The following AKAP19 variants were observed in gnomAD, a reference collection of about 807,000 sequenced individuals.
AKAP19 encodes small A-kinase anchoring protein.
At chr2:189,891,048 T>C in the AKAP19 span, among the ~76,000 whole-genome samples, 1 of 152,062 alleles carries the variant, frequency 6.6e-6, no homozygotes, top group East Asian at 1.9e-4. Context: ...CAGTGGCTGG[T>C]ATCGGTTTTT....
the AKAP19 span, among the ~76,000 whole-genome samples, chr2:189,953,399 G>C: frequency 6.6e-6 from 1 of 152,062 alleles, no homozygotes; most frequent in African/African-American, 2.4e-5. Flanking sequence ...ACTTTGGGAG[G>C]CCAAGATGGG....
At chr2:190,166,592 C>T in the AKAP19 span, among the ~76,000 whole-genome samples, 1 of 151,970 alleles carries the variant, frequency 6.6e-6, no homozygotes, top group East Asian at 1.9e-4. Flanking sequence ...TTGGTTTATT[C>T]TAGAAATGAA....
the AKAP19 span, among the ~76,000 whole-genome samples, chr2:190,108,783 G>T: frequency 6.1e-4 from 83 of 135,676 alleles, no homozygotes; most frequent in African/African-American, 1.2e-3. Flanking sequence ...CCTGTTTGCG[G>T]TTTTTTTTTT....
At chr2:189,964,726 C>G in the AKAP19 span, among the ~76,000 whole-genome samples, 2 of 152,170 alleles carry the variant, frequency 1.3e-5, no homozygotes, top group Non-Finnish European at 2.9e-5. Context: ...AAACATTTCT[C>G]CTGGAGCTTC....
At chr2:190,058,891 G>A in the AKAP19 span, among the ~76,000 whole-genome samples, 1 of 151,768 alleles carries the variant, frequency 6.6e-6, no homozygotes, top group Non-Finnish European at 1.5e-5. Context: ...TACACTACTT[G>A]GAGTGATGGG....
the AKAP19 span, chr2:190,062,359 G>GTTGTCTTA: frequency 2.5e-6 from 4 of 1,613,278 alleles, no homozygotes; most frequent in Non-Finnish European, 3.4e-6. Flanking sequence ...TTGGGTAAAA[G>GTTGTCTTA]TTGTCTTATA....
At chr2:190,091,377 G>A in the AKAP19 span, among the ~76,000 whole-genome samples, 6 of 152,092 alleles carry the variant, frequency 3.9e-5, no homozygotes, top group Non-Finnish European at 8.8e-5. Context: ...TATCTCACAG[G>A]AATTCTAACA....
At chr2:190,099,731 G>A in the AKAP19 span, among the ~76,000 whole-genome samples, 2 of 152,150 alleles carry the variant, frequency 1.3e-5, no homozygotes, top group South Asian at 4.1e-4. Flanking sequence ...GTGTGCTTGT[G>A]CTTAAACATT....
the AKAP19 span, among the ~76,000 whole-genome samples, chr2:190,065,247 G>A: frequency 6.6e-6 from 1 of 152,034 alleles, no homozygotes; most frequent in Non-Finnish European, 1.5e-5. Flanking sequence ...CTAATCACAG[G>A]AAAGCTGCAA....
chr2:189,925,379 G>A, the AKAP19 span, among the ~76,000 whole-genome samples: 2 of 152,106 alleles, frequency 1.3e-5, no homozygotes, highest in African/African-American at 2.4e-5. Context: ...AGACTTAATA[G>A]TTCCTTAGAT....
the AKAP19 span, among the ~76,000 whole-genome samples, chr2:190,135,408 C>A: frequency 6.6e-6 from 1 of 152,164 alleles, no homozygotes; most frequent in East Asian, 1.9e-4. Flanking sequence ...AGGATCTCTG[C>A]GTGATTTATA....
chr2:190,146,786 T>C, the AKAP19 span, among the ~76,000 whole-genome samples: 2 of 152,242 alleles, frequency 1.3e-5, no homozygotes, highest in African/African-American at 4.8e-5. Flanking sequence ...TTGTTGGCCA[T>C]TTGTATATCT....
At chr2:190,103,031 G>C in the AKAP19 span, among the ~76,000 whole-genome samples, 2 of 152,066 alleles carry the variant, frequency 1.3e-5, no homozygotes, top group African/African-American at 2.4e-5. Flanking sequence ...ATACAAGGCT[G>C]GTTCAACATA....
the AKAP19 span, among the ~76,000 whole-genome samples, chr2:189,996,572 C>T: frequency 6.6e-6 from 1 of 151,964 alleles, no homozygotes; most frequent in Admixed American, 6.6e-5. Context: ...TAATAATTAA[C>T]CCTCTGAATT....
At chr2:190,031,853 T>TA in the AKAP19 span, among the ~76,000 whole-genome samples, 19 of 152,234 alleles carry the variant, frequency 1.2e-4, no homozygotes, top group African/African-American at 2.4e-4. Flanking sequence ...GTCAGTTTTT[T>TA]AAAAAAAATT....
At chr2:189,923,975 G>C in the AKAP19 span, 10 of 1,604,390 alleles carry the variant, frequency 6.2e-6, no homozygotes, top group East Asian at 2.2e-4. Flanking sequence ...ACAAGCAGTA[G>C]AGATGAACAA....
chr2:189,962,446 G>A, the AKAP19 span, among the ~76,000 whole-genome samples: 5 of 152,222 alleles, frequency 3.3e-5, no homozygotes, highest in Admixed American at 2.0e-4. Context: ...TAGAATTAAT[G>A]ATTATCTTCA....
chr2:190,076,985 G>C, the AKAP19 span, among the ~76,000 whole-genome samples: 1 of 151,840 alleles, frequency 6.6e-6, no homozygotes, highest in South Asian at 2.1e-4. Flanking sequence ...CTGTACTTCA[G>C]TTTTGATAGC....
At chr2:189,958,522 C>CATATATATATATAT in the AKAP19 span, among the ~76,000 whole-genome samples, 18 of 143,738 alleles carry the variant, frequency 1.3e-4, no homozygotes, top group African/African-American at 4.6e-4. Context: ...ACACACATAA[C>CATATATATATATAT]ATATATATAT....
Sources: allele counts gnomAD v4.1 joint callset (sites outside exome capture counted in the v4.1 genomes callset), GRCh38; gene constraint gnomAD v4.1.1; transcripts MANE v1.5; gene names NCBI Gene and HGNC (gene_info 2026-07-23, HGNC 2026-07-21).